The following GRIA3 variants were observed in gnomAD, a reference collection of about 807,000 sequenced individuals.
GRIA3 encodes glutamate receptor 3.
Under a neutral mutation model 63.0 loss-of-function variants are expected in GRIA3, and 3 were observed. That is an observed-to-expected ratio of 0.05 (90% CI 0.02 to 0.12). GRIA3 has a LOEUF of 0.12. Ranked by LOEUF, GRIA3 falls within the 10% of genes least tolerant of loss-of-function variation. GRIA3 has a pLI of 1.00. For synonymous variants in GRIA3, 274 were observed against 257.9 expected (o/e 1.06, Z -0.60); for missense variants, 347 against 700.9 (o/e 0.50, Z 5.70).
At chrX:123,459,819 CAA>C (rs10716553) in intron 12 of GRIA3, among the ~76,000 whole-genome samples, 53 of 91,104 alleles carry the variant, frequency 5.8e-4, no homozygotes, top group African/African-American at 1.7e-3. Context: ...AGACAGAATG[CAA>C]AAAAAAAAAG....
chrX:123,202,786 A>G, intron 2 of GRIA3: 1 of 1,160,302 alleles, frequency 8.6e-7, no homozygotes, highest in Non-Finnish European at 1.2e-6. Context: ...ATCTGGGGTA[A>G]GTGCCCATAG....
chrX:123,210,372 G>T (rs745344004), intron 2 of GRIA3, among the ~76,000 whole-genome samples: 9 of 110,506 alleles, frequency 8.1e-5, no homozygotes, highest in African/African-American at 3.0e-4. Context: ...TTTTTCAATT[G>T]TTTATCTTCC....
At chrX:123,475,380 T>A (rs1408977875) in intron 13 of GRIA3, among the ~76,000 whole-genome samples, 1 of 112,306 alleles carries the variant, frequency 8.9e-6, no homozygotes, top group Non-Finnish European at 1.9e-5. Flanking sequence ...ATTCTCACAG[T>A]GGAATTTCAG....
chrX:123,419,901 G>A (rs189783852), intron 11 of GRIA3, among the ~76,000 whole-genome samples: 96 of 111,161 alleles, frequency 8.6e-4, no homozygotes, highest in Admixed American at 3.2e-3. Context: ...ACAACTCTAC[G>A]TTTACTAAAA....
intron 12 of GRIA3, among the ~76,000 whole-genome samples, chrX:123,447,292 CA>C (rs370059075): frequency 0.04 from 4,371 of 108,732 alleles, 206 homozygotes; most frequent in African/African-American, 0.14. Context: ...CAAAACAAAA[CA>C]AAAAAAAACA....
At chrX:123,430,432 A>C (rs1400353165) in intron 12 of GRIA3, among the ~76,000 whole-genome samples, 1 of 111,493 alleles carries the variant, frequency 9.0e-6, no homozygotes, top group Non-Finnish European at 1.9e-5. Context: ...GGAACTATAA[A>C]AGCAGCATAG....
intron 2 of GRIA3, among the ~76,000 whole-genome samples, chrX:123,193,586 G>T (rs5911542): frequency 9.0e-6 from 1 of 111,171 alleles, no homozygotes; most frequent in Non-Finnish European, 1.9e-5. Context: ...GACCTGAGCC[G>T]AGAACTGCTC....
At chrX:123,208,635 C>T (rs1212470783) in intron 2 of GRIA3, among the ~76,000 whole-genome samples, 1 of 112,110 alleles carries the variant, frequency 8.9e-6, no homozygotes, top group Non-Finnish European at 1.9e-5. Context: ...CCCTCTGAGT[C>T]ATCGAATCAT....
At chrX:123,404,293 C>T (rs2045459473) in intron 9 of GRIA3, among the ~76,000 whole-genome samples, 1 of 110,619 alleles carries the variant, frequency 9.0e-6, no homozygotes, top group Non-Finnish European at 1.9e-5. Context: ...CGGACGCTGA[C>T]CTCACAGGGA....
chrX:123,284,118 G>A (rs757372579), intron 3 of GRIA3, among the ~76,000 whole-genome samples: 3 of 112,433 alleles, frequency 2.7e-5, no homozygotes, highest in Non-Finnish European at 5.6e-5. Flanking sequence ...GGTCTGGAGT[G>A]GACTTCCAGC....
chrX:123,286,048 C>T (rs1391762705), intron 3 of GRIA3, among the ~76,000 whole-genome samples: 1 of 111,875 alleles, frequency 8.9e-6, no homozygotes, highest in Non-Finnish European at 1.9e-5. Flanking sequence ...TGCAAAAGAA[C>T]AGAAATCATA....
intron 11 of GRIA3, among the ~76,000 whole-genome samples, chrX:123,420,917 T>C (rs1361067593): frequency 9.0e-6 from 1 of 111,063 alleles, no homozygotes; most frequent in Non-Finnish European, 1.9e-5. Context: ...GCTTTCAAAA[T>C]TTTTTTTACC....
intron 5 of GRIA3, among the ~76,000 whole-genome samples, chrX:123,381,402 T>C (rs2045323342): frequency 8.9e-6 from 1 of 112,079 alleles, no homozygotes; most frequent in South Asian, 3.7e-4. Context: ...GGATATTATA[T>C]CATCACCTGT....
chrX:123,435,208 T>C (rs1010252859), intron 12 of GRIA3, among the ~76,000 whole-genome samples: 2 of 112,144 alleles, frequency 1.8e-5, no homozygotes, highest in African/African-American at 6.5e-5. Flanking sequence ...GTATGCTCCA[T>C]GGTGACTTAG....
chrX:123,444,473 G>C (rs1470028802), intron 12 of GRIA3, among the ~76,000 whole-genome samples: 1 of 111,710 alleles, frequency 9.0e-6, no homozygotes, highest in Non-Finnish European at 1.9e-5. Flanking sequence ...TATTTGACCT[G>C]CTGGGTGTGG....
chrX:123,336,788 C>T (rs1049182580), intron 4 of GRIA3, among the ~76,000 whole-genome samples: 8 of 111,408 alleles, frequency 7.2e-5, no homozygotes, highest in Admixed American at 1.9e-4. Context: ...CCTTGCACAG[C>T]CACCTCACCT....
chrX:123,328,346 A>T (rs752131382), intron 4 of GRIA3, among the ~76,000 whole-genome samples: 113 of 112,300 alleles, frequency 1.0e-3, no homozygotes, highest in African/African-American at 3.6e-3. Context: ...CAAAAACTCT[A>T]TTCTCTTTTC....
rs1343715275 is a variant in GRIA3 at position 123,261,664 on chromosome X, G to T, written c.508+8122G>T. On this transcript the variant is annotated intron_variant, in intron 3 of 15. Transcript: ENST00000620443. ...CCCTATAGAAGGACAAATCTGCACTGGTTTATCCAACTTCTTTTACCCTGT... is the reference window on the plus strand; with the variant it reads ...CCCTATAGAAGGACAAATCTGCACTTGTTTATCCAACTTCTTTTACCCTGT... Among the ~76,000 whole-genome samples, 4 of 111,200 alleles carry T rather than the reference G, an allele frequency of 3.6e-5. No homozygotes were observed. The East Asian group carries it at 8.5e-4, about 24-fold the overall frequency.
chrX:123,217,790 T>A (rs1479004531), intron 2 of GRIA3, among the ~76,000 whole-genome samples: 4 of 112,123 alleles, frequency 3.6e-5, no homozygotes, highest in Non-Finnish European at 7.5e-5. Context: ...GACCCCACAT[T>A]CAATTTCATG....
Sources: gnomAD v4.1 joint callset for allele counts (sites outside exome capture counted in the v4.1 genomes callset) on GRCh38, gnomAD v4.1.1 for gene constraint, MANE v1.5 for transcripts, NCBI Gene and HGNC (gene_info 2026-07-23, HGNC 2026-07-21) for gene names.